The following GARIN4 variants were observed in gnomAD, a reference collection of about 807,000 sequenced individuals.
GARIN4 encodes golgi associated RAB2 interactor family member 4, also known as Golgi-associated RAB2 interactor protein 4.
the GARIN4 span, chr1:212,625,631 A>G: frequency 6.2e-7 from 1 of 1,614,176 alleles, no homozygotes; most frequent in African/African-American, 1.3e-5. Context: ...TAACAAACCC[A>G]CTAATGTGCT....
chr1:212,625,865 G>A, the GARIN4 span: 1 of 1,614,262 alleles, frequency 6.2e-7, no homozygotes, highest in Non-Finnish European at 8.5e-7. Context: ...CATGGCCCTT[G>A]CAGGCACTGC....
the GARIN4 span, chr1:212,624,976 C>A: frequency 1.2e-6 from 2 of 1,614,128 alleles, no homozygotes; most frequent in Non-Finnish European, 1.7e-6. Context: ...GACAACTGTA[C>A]AAGGGGGAGT....
At chr1:212,625,881 T>C in the GARIN4 span, 9 of 1,614,104 alleles carry the variant, frequency 5.6e-6, no homozygotes, top group Admixed American at 8.3e-5. Context: ...ACTGCCAGCA[T>C]GGCTCCAAAC....
At chr1:212,626,164 G>A in the GARIN4 span, 1 of 1,614,178 alleles carries the variant, frequency 6.2e-7, no homozygotes, top group Non-Finnish European at 8.5e-7. Context: ...GAAGGGAAAA[G>A]GACAGGGCTC....
At chr1:212,625,934 G>A in the GARIN4 span, 2 of 1,614,218 alleles carry the variant, frequency 1.2e-6, no homozygotes, top group Non-Finnish European at 1.7e-6. Flanking sequence ...CAAGTCCTCA[G>A]AGCATGTTTC....
At chr1:212,626,195 C>T in the GARIN4 span, 25 of 1,613,900 alleles carry the variant, frequency 1.5e-5, no homozygotes, top group African/African-American at 5.3e-5. Context: ...TTCCCATCGC[C>T]GCAGGACAGG....
chr1:212,625,562 G>T, the GARIN4 span: 16 of 1,614,204 alleles, frequency 9.9e-6, no homozygotes, highest in Admixed American at 2.7e-4. Flanking sequence ...CATGGTCTCT[G>T]AGGTGTGTGG....
chr1:212,624,846 C>A, the GARIN4 span: 1 of 1,531,330 alleles, frequency 6.5e-7, no homozygotes, highest in African/African-American at 1.4e-5. Context: ...AGACCTGCCT[C>A]ACCAGTGCTG....
chr1:212,625,003 T>C, the GARIN4 span: 6 of 1,614,164 alleles, frequency 3.7e-6, no homozygotes. Context: ...TATTCAAGTA[T>C]GCACCGATAT....
At chr1:212,625,833 G>A in the GARIN4 span, 4 of 1,614,230 alleles carry the variant, frequency 2.5e-6, no homozygotes, top group South Asian at 4.4e-5. Context: ...GCCACCATCG[G>A]TGCAGGAGGA....
At chr1:212,626,314 C>A in the GARIN4 span, 1 of 1,614,216 alleles carries the variant, frequency 6.2e-7, no homozygotes, top group Non-Finnish European at 8.5e-7. Flanking sequence ...AAGGCTGTGG[C>A]AACCCGGGGA....
At chr1:212,626,260 G>T in the GARIN4 span, 3 of 1,614,088 alleles carry the variant, frequency 1.9e-6, no homozygotes, top group African/African-American at 2.7e-5. Context: ...CCTCCAGCAG[G>T]TCCTCATTCA....
chr1:212,626,080 G>C, the GARIN4 span: 2 of 1,614,206 alleles, frequency 1.2e-6, no homozygotes, highest in Non-Finnish European at 1.7e-6. Context: ...GGCAGAGCAA[G>C]AGCAGCCTGA....
chr1:212,625,738 A>G, the GARIN4 span: 265 of 1,613,832 alleles, frequency 1.6e-4, no homozygotes, highest in Non-Finnish European at 2.1e-4. Context: ...CTGCAGGGGC[A>G]GCAACAGGCA....
At chr1:212,626,589 G>C in the GARIN4 span, 1 of 1,614,100 alleles carries the variant, frequency 6.2e-7, no homozygotes, top group African/African-American at 1.3e-5. Flanking sequence ...ACAGCAGAGG[G>C]TGGCCAGGGG....
the GARIN4 span, chr1:212,626,133 G>T: frequency 1.2e-6 from 2 of 1,614,136 alleles, no homozygotes; most frequent in Non-Finnish European, 1.7e-6. Flanking sequence ...AGCGCTGAAG[G>T]CTGCAAGGAG....
the GARIN4 span, chr1:212,625,819 G>A: frequency 6.2e-7 from 1 of 1,614,218 alleles, no homozygotes; most frequent in Non-Finnish European, 8.5e-7. Flanking sequence ...CCATAGCTGG[G>A]GCGGCCACCA....
the GARIN4 span, chr1:212,624,908 A>G: frequency 6.2e-7 from 1 of 1,607,638 alleles, no homozygotes; most frequent in Non-Finnish European, 8.5e-7. Flanking sequence ...GCCGTATTAT[A>G]CGGCCCAGAG....
chr1:212,625,584 C>T, the GARIN4 span: 1 of 1,614,084 alleles, frequency 6.2e-7, no homozygotes, highest in African/African-American at 1.3e-5. Context: ...GCCACCTCTG[C>T]TGCTTATGCT....
Sources: allele counts gnomAD v4.1 joint callset, GRCh38; gene constraint gnomAD v4.1.1; transcripts MANE v1.5; gene names NCBI Gene and HGNC (gene_info 2026-07-23, HGNC 2026-07-21).